The following STPG2 variants were observed in gnomAD, a reference collection of about 807,000 sequenced individuals.
The protein encoded by STPG2 is sperm tail PG-rich repeat containing 2.
In STPG2, 56 loss-of-function variants were observed where a neutral mutation model predicts 54.2. The ratio of observed to expected loss-of-function variants is 1.03; its 90% confidence interval spans 0.83 to 1.29. The LOEUF (loss-of-function observed/expected upper bound fraction) is 1.29. STPG2 is among the 50% of genes most tolerant of loss of function. The pLI is 0.00. For synonymous variants in STPG2, 200 were observed against 181.8 expected (o/e 1.10, Z -0.81); for missense variants, 596 against 544.9 (o/e 1.09, Z -0.93).
chr4:97,577,643 T>C (rs1436362149), intron 10 of STPG2, among the ~76,000 whole-genome samples: 2 of 152,136 alleles, frequency 1.3e-5, no homozygotes, highest in African/African-American at 2.4e-5. Context: ...GCTCAGTACA[T>C]GGGTGACAGG....
chr4:97,761,162 C>T (rs917375752), intron 9 of STPG2, among the ~76,000 whole-genome samples: 1 of 151,992 alleles, frequency 6.6e-6, no homozygotes, highest in African/African-American at 2.4e-5. Context: ...TTGAATTGTG[C>T]CCCCCAAAAA....
intron 10 of STPG2, among the ~76,000 whole-genome samples, chr4:97,637,244 CA>C (rs1212002596): frequency 6.6e-6 from 1 of 152,214 alleles, no homozygotes; most frequent in African/African-American, 2.4e-5. Context: ...ACAAAAACCA[CA>C]TGATTATCTC....
intron 4 of STPG2, among the ~76,000 whole-genome samples, chr4:97,452,689 G>A (rs550954650): frequency 1.2e-4 from 18 of 152,150 alleles, no homozygotes; most frequent in Non-Finnish European, 1.5e-4. Context: ...GAGAGCTTCA[G>A]AGACCTGCAG....
At position 97,972,501 on chromosome 4, in the gene STPG2, CTGAG is replaced by C. The variant is rs1052571333; in HGVS notation, c.773-65_773-62del. 1.8e-5 allele frequency: 18 copies of C among 1,007,854 alleles called. No homozygotes were observed. The East Asian group carries it at 3.5e-4, about 19-fold the overall frequency. The allele number at this position is 1,007,854 out of a possible 1,614,324, so 62.4% of individuals were successfully genotyped here. A position where few individuals can be genotyped will look rare whatever the true frequency, so the allele number is the denominator to read the frequency against. The stretch of plus-strand genomic sequence containing the variant: ...CATGCTTTTATATGCACCTTTTGAA[CTGAG>C]TAATTTTTAATTAAGGGTTTTTTTC... On this transcript the variant is annotated intron_variant, in intron 6 of 10. Coordinates refer to ENST00000295268, the MANE Select transcript of STPG2 (RefSeq NM_174952.3).
intron 6 of STPG2, among the ~76,000 whole-genome samples, chr4:97,975,687 T>C (rs1020550167): frequency 6.6e-6 from 1 of 152,172 alleles, no homozygotes; most frequent in Non-Finnish European, 1.5e-5. Flanking sequence ...TCATGTTATC[T>C]GCATTCTACT....
intron 5 of STPG2, among the ~76,000 whole-genome samples, chr4:98,050,142 A>T (rs1163666168): frequency 6.6e-6 from 1 of 152,182 alleles, no homozygotes; most frequent in Non-Finnish European, 1.5e-5. Flanking sequence ...ATTTATTAAA[A>T]ATATGAGGCA....
At position 97,690,260 on chromosome 4, in the gene STPG2, C is replaced by T. The variant is rs17026859; in HGVS notation, c.1320+22439G>A. On this transcript the variant is annotated intron_variant, in intron 10 of 10. Transcript: ENST00000295268. Reference sequence around the variant, plus strand: ...CTCAAAATGACTTATATATTTCAGACTCAGGATAATTAAGTTCAAGCTATC... The same window carrying T: ...CTCAAAATGACTTATATATTTCAGATTCAGGATAATTAAGTTCAAGCTATC... 2.4e-3 allele frequency among the ~76,000 whole-genome samples: 360 copies of T among 152,040 alleles called. 1 individual carries two copies. Among genetic ancestry groups the T allele is most frequent in the African/African-American group, 8.4e-3 (350 of 41,486 alleles).
chr4:97,707,188 T>C (rs1202076737), intron 10 of STPG2, among the ~76,000 whole-genome samples: 1 of 152,042 alleles, frequency 6.6e-6, no homozygotes, highest in African/African-American at 2.4e-5. Flanking sequence ...GATAGGACCA[T>C]GTGGAAATGA....
intron 9 of STPG2, among the ~76,000 whole-genome samples, chr4:97,757,740 T>G (rs895692984): frequency 6.6e-6 from 1 of 152,162 alleles, no homozygotes; most frequent in African/African-American, 2.4e-5. Flanking sequence ...TGTTTCTGTA[T>G]GGTGTATGTT....
At chr4:97,500,286 A>G (rs1730696226) in intron 4 of STPG2, among the ~76,000 whole-genome samples, 1 of 152,074 alleles carries the variant, frequency 6.6e-6, no homozygotes, top group Non-Finnish European at 1.5e-5. Flanking sequence ...CCCGGAAAAT[A>G]AAAATGTAGC....
At chr4:97,726,712 T>G (rs1030074498) in intron 9 of STPG2, among the ~76,000 whole-genome samples, 2 of 151,908 alleles carry the variant, frequency 1.3e-5, no homozygotes, top group African/African-American at 4.8e-5. Flanking sequence ...TCTGGGACTT[T>G]GAATTAATAA....
chr4:97,491,451 C>G (rs543801523), intron 4 of STPG2, among the ~76,000 whole-genome samples: 1 of 151,534 alleles, frequency 6.6e-6, no homozygotes, highest in African/African-American at 2.4e-5. Context: ...GCCAGACTTA[C>G]AGAAATGCAG....
At chr4:97,485,124 G>T (rs1730321363) in intron 4 of STPG2, among the ~76,000 whole-genome samples, 1 of 151,714 alleles carries the variant, frequency 6.6e-6, no homozygotes, top group Non-Finnish European at 1.5e-5. Flanking sequence ...AAAGTTGAAG[G>T]CCTTCCCTCT....
rs1201999439 is a variant in STPG2, at chr4:97,742,068, C to T, written c.1205-29254G>A. Among the ~76,000 whole-genome samples, 10 of 151,934 alleles carry T rather than the reference C, an allele frequency of 6.6e-5. No individual in the cohort carries two copies. The East Asian group carries it at 1.9e-3, about 30-fold the overall frequency. On this transcript the variant is annotated intron_variant, in intron 9 of 10. Transcript: ENST00000295268. The stretch of plus-strand genomic sequence containing the variant: ...GATGAGTTCATGTCCTTTGTAGGGA[C>T]ATGGATGAAATTGGAAATCATCATT...
intron 8 of STPG2, among the ~76,000 whole-genome samples, chr4:97,875,061 C>G (rs1274150678): frequency 2.6e-5 from 4 of 151,846 alleles, no homozygotes; most frequent in Admixed American, 2.0e-4. Flanking sequence ...TATGGATATG[C>G]TAGTCTGTTG....
chr4:97,790,293 T>C (rs548934690), intron 9 of STPG2, among the ~76,000 whole-genome samples: 2 of 152,276 alleles, frequency 1.3e-5, no homozygotes, highest in African/African-American at 4.8e-5. Flanking sequence ...AAATAAAATA[T>C]TGCCAATTGT....
chr4:97,601,063 G>T (rs975137972), intron 10 of STPG2, among the ~76,000 whole-genome samples: 8 of 152,044 alleles, frequency 5.3e-5, no homozygotes, highest in African/African-American at 1.9e-4. Flanking sequence ...GAGTGGGATG[G>T]ATGAGATGAA....
intron 8 of STPG2, among the ~76,000 whole-genome samples, chr4:97,899,281 C>T (rs1731078850): frequency 6.6e-6 from 1 of 151,832 alleles, no homozygotes; most frequent in East Asian, 1.9e-4. Flanking sequence ...TGAAATATCT[C>T]TACAATGAGA....
At chr4:97,535,275 C>T (rs1731503144) in intron 4 of STPG2, among the ~76,000 whole-genome samples, 1 of 152,172 alleles carries the variant, frequency 6.6e-6, no homozygotes, top group African/African-American at 2.4e-5. Flanking sequence ...AGTTGCTCTG[C>T]AGCTCTCACC....
Sources: allele counts gnomAD v4.1 joint callset (sites outside exome capture counted in the v4.1 genomes callset), GRCh38; gene constraint gnomAD v4.1.1; transcripts MANE v1.5; gene names NCBI Gene and HGNC (gene_info 2026-07-23, HGNC 2026-07-21).